TTC3: variants seen among roughly 807,000 people sequenced by gnomAD.
The protein encoded by TTC3 is E3 ubiquitin-protein ligase TTC3.
Under a neutral mutation model 249.6 loss-of-function variants are expected in TTC3, and 180 were observed. The observed-to-expected ratio is 0.72, with a 90% confidence interval of 0.64 to 0.82. The LOEUF (loss-of-function observed/expected upper bound fraction) is 0.82, where lower values mean the gene tolerates loss of function less well. Among genes scored for constraint, TTC3 ranks in the 40% least tolerant of loss-of-function variants. The pLI, the probability that TTC3 is intolerant of heterozygous loss-of-function variation, is 0.00. For missense variants in TTC3, 2,061 were observed against 2,398.4 expected, an observed-to-expected ratio of 0.86 and a Z score of 2.94; for synonymous variants, 717 against 805.0, an observed-to-expected ratio of 0.89 and a Z score of 1.85.
At chr21:37,156,938 T>G in intron 28 of TTC3, 32 bp downstream of exon 28, 1 of 1,596,458 alleles carries the variant, frequency 6.3e-7, no homozygotes. Flanking sequence ...TTATATTACA[T>G]TTAATCTTAA....
At chr21:37,170,553 A>G (rs1167047484) in intron 34 of TTC3, among the ~76,000 whole-genome samples, 1 of 152,206 alleles carries the variant, frequency 6.6e-6, no homozygotes, top group Admixed American at 6.5e-5. Flanking sequence ...AGAAAATTGA[A>G]TACAATCTAA....
intron 22 of TTC3, 127 bp downstream of exon 22, chr21:37,147,730 G>GT: frequency 5.6e-6 from 6 of 1,076,906 alleles, no homozygotes; most frequent in African/African-American, 1.7e-5. Flanking sequence ...CCTTTCCCAG[G>GT]ATTTTTTTTT....
At chr21:37,197,507 A>T in intron 42 of TTC3, 63 bp from the exon 43 acceptor site, 1 of 1,594,828 alleles carries the variant, frequency 6.3e-7, no homozygotes, top group Non-Finnish European at 8.6e-7. Flanking sequence ...TAATATTGGC[A>T]TGTAATATTT....
chr21:37,174,744 G>T (rs2082088743), intron 35 of TTC3, among the ~76,000 whole-genome samples: 1 of 152,164 alleles, frequency 6.6e-6, no homozygotes, highest in Non-Finnish European at 1.5e-5. Flanking sequence ...GTAGCTTTGT[G>T]ATGTTAGACA....
intron 35 of TTC3, among the ~76,000 whole-genome samples, chr21:37,173,915 A>G (rs1024719871): frequency 6.6e-6 from 1 of 152,266 alleles, no homozygotes; most frequent in Admixed American, 6.5e-5. Context: ...ACAAGTTTCT[A>G]TAAGCTACTT....
intron 26 of TTC3, among the ~76,000 whole-genome samples, chr21:37,152,339 A>T (rs1418855023): frequency 1.3e-5 from 2 of 149,868 alleles, no homozygotes; most frequent in Non-Finnish European, 3.0e-5. Context: ...CTGGGTTAGG[A>T]TTGTTGAAGG....
At chr21:37,166,580 A>G (rs1467311117) in exon 33 of TTC3, 2 of 1,613,784 alleles carry the variant, frequency 1.2e-6, no homozygotes, top group African/African-American at 1.3e-5. Context: ...CAGTGCAGTA[A>G]CAAACATTCC....
intron 36 of TTC3, among the ~76,000 whole-genome samples, chr21:37,184,611 C>T (rs905269060): frequency 7.4e-5 from 11 of 148,098 alleles, no homozygotes; most frequent in African/African-American, 2.2e-4. Flanking sequence ...CCCACCACCA[C>T]GCCTGACTAA....
chr21:37,112,570 G>C (rs550815298), intron 11 of TTC3, among the ~76,000 whole-genome samples: 1 of 152,134 alleles, frequency 6.6e-6, no homozygotes, highest in Non-Finnish European at 1.5e-5. Flanking sequence ...ATCAAAAAAA[G>C]TCCGGAACCA....
At chr21:37,123,774 A>G (rs2076818473) in intron 13 of TTC3, among the ~76,000 whole-genome samples, 2 of 151,508 alleles carry the variant, frequency 1.3e-5, no homozygotes, top group South Asian at 2.1e-4. Flanking sequence ...TTTGAGACGG[A>G]GTCTCACTCT....
chr21:37,100,055 C>T (rs375243810), intron 10 of TTC3, among the ~76,000 whole-genome samples: 2 of 152,284 alleles, frequency 1.3e-5, no homozygotes, highest in East Asian at 1.9e-4. Context: ...TATATACAGA[C>T]TGTGTATTAA....
intron 16 of TTC3, among the ~76,000 whole-genome samples, chr21:37,132,306 C>T (rs370987598): frequency 6.6e-6 from 1 of 151,326 alleles, no homozygotes; most frequent in Non-Finnish European, 1.5e-5. Flanking sequence ...GGGATGAGAG[C>T]GAACTAATAT....
intron 10 of TTC3, among the ~76,000 whole-genome samples, chr21:37,104,940 C>T (rs914368802): frequency 2.0e-5 from 3 of 152,168 alleles, no homozygotes; most frequent in African/African-American, 7.2e-5. Flanking sequence ...CTAGAGAGAA[C>T]CTAGGCTGAG....
intron 28 of TTC3, chr21:37,157,294 G>C: frequency 3.2e-5 from 27 of 840,048 alleles, no homozygotes; most frequent in Admixed American, 5.0e-5. Flanking sequence ...AGAATGGATA[G>C]CATTCTAGGA....
intron 1 of TTC3, chr21:37,083,506 T>C (rs747066073): frequency 1.1e-5 from 7 of 622,606 alleles, no homozygotes; most frequent in Non-Finnish European, 1.4e-5. Flanking sequence ...TGAAGAAGTA[T>C]ATGTGTGCTA....
chr21:37,082,972 G>T, intron 1 of TTC3: 2 of 984,816 alleles, frequency 2.0e-6, no homozygotes, highest in Non-Finnish European at 1.2e-6. Flanking sequence ...TAAGTAAATA[G>T]CAGTACAGAT....
chr21:37,163,063 C>T (rs761360847), intron 31 of TTC3, among the ~76,000 whole-genome samples: 1 of 152,214 alleles, frequency 6.6e-6, no homozygotes, highest in African/African-American at 2.4e-5. Context: ...GAAACACAAA[C>T]ATTCAGACCA....
chr21:37,199,702 A>G (rs1191090925), intron 44 of TTC3, among the ~76,000 whole-genome samples: 11 of 152,262 alleles, frequency 7.2e-5, no homozygotes, highest in Admixed American at 7.2e-4. Flanking sequence ...CTAGGCATGT[A>G]TGTATACATG....
chr21:37,137,736 G>A (rs1026079459), intron 18 of TTC3, among the ~76,000 whole-genome samples: 2 of 152,172 alleles, frequency 1.3e-5, no homozygotes, highest in African/African-American at 4.8e-5. Flanking sequence ...CTGTCAAACA[G>A]CATCACACAT....
Sources: allele counts gnomAD v4.1 joint callset (sites outside exome capture counted in the v4.1 genomes callset), GRCh38; gene constraint gnomAD v4.1.1; transcripts MANE v1.5; gene names NCBI Gene and HGNC (gene_info 2026-07-23, HGNC 2026-07-21).